HOMER2: variants seen among roughly 807,000 people sequenced by gnomAD.
HOMER2 encodes homer scaffold protein 2, also known as homer protein homolog 2.
A neutral mutation model predicts 47.0 loss-of-function variants in HOMER2; 27 were observed. The ratio of observed to expected loss-of-function variants is 0.57; its 90% CI spans 0.42 to 0.79. The LOEUF (loss-of-function observed/expected upper bound fraction) is 0.79, where lower values mean the gene tolerates loss of function less well. Among genes scored for constraint, HOMER2 ranks in the 30% least tolerant of loss-of-function variants. The pLI is 0.00. For synonymous variants in HOMER2, 161 were observed against 163.8 expected, an observed-to-expected ratio of 0.98 and a Z score of 0.13; for missense variants, 443 against 435.0, an observed-to-expected ratio of 1.02 and a Z score of -0.16.
At chr15:82,929,261 ACT>A (rs1411304945) in intron 1 of HOMER2, among the ~76,000 whole-genome samples, 4 of 152,160 alleles carry the variant, frequency 2.6e-5, no homozygotes, top group African/African-American at 9.7e-5. Context: ...ATTCTGAGAA[ACT>A]CTGCTGAAAC....
chr15:82,843,820 A>G (rs2051204082), exon 2 of HOMER2: 1 of 152,224 alleles, frequency 6.6e-6, no homozygotes, highest in African/African-American at 2.4e-5. Flanking sequence ...AATTTGAGGC[A>G]ATACATATTA....
intron 1 of HOMER2, among the ~76,000 whole-genome samples, chr15:82,911,610 A>T (rs756296626): frequency 2.6e-5 from 4 of 152,196 alleles, no homozygotes; most frequent in Admixed American, 6.6e-5. Context: ...TTTCATTTAC[A>T]CTATCAGTTG....
chr15:82,975,630 G>T (rs975880473), intron 1 of HOMER2, among the ~76,000 whole-genome samples: 1 of 152,232 alleles, frequency 6.6e-6, no homozygotes, highest in Non-Finnish European at 1.5e-5. Flanking sequence ...AACATTGCAT[G>T]TTCTCACTTA....
intron 1 of HOMER2, among the ~76,000 whole-genome samples, chr15:82,900,823 T>C (rs1056274872): frequency 2.0e-5 from 3 of 152,178 alleles, no homozygotes; most frequent in African/African-American, 7.2e-5. Context: ...CCCCATTCTA[T>C]TAAAGTTATT....
intron 4 of HOMER2, among the ~76,000 whole-genome samples, chr15:82,860,956 TGAGAGAGA>T (rs56063630): frequency 2.4e-5 from 1 of 42,386 alleles, no homozygotes; most frequent in Non-Finnish European, 4.9e-5. Flanking sequence ...AGATAGAAGA[TGAGAGAGA>T]GAGAGAGAGA....
intron 1 of HOMER2, among the ~76,000 whole-genome samples, chr15:82,977,894 C>A (rs1229824523): frequency 1.3e-5 from 2 of 152,122 alleles, no homozygotes; most frequent in African/African-American, 4.8e-5. Context: ...CACCTATAAT[C>A]CCAGCACTTT....
intron 1 of HOMER2, among the ~76,000 whole-genome samples, chr15:82,948,307 C>T (rs1336782653): frequency 2.0e-5 from 3 of 149,254 alleles, no homozygotes; most frequent in African/African-American, 5.0e-5. Context: ...AGGAGAATGG[C>T]GTGAACCCGG....
intron 1 of HOMER2, among the ~76,000 whole-genome samples, chr15:82,919,917 A>G (rs773630830): frequency 6.6e-6 from 1 of 152,160 alleles, no homozygotes; most frequent in Non-Finnish European, 1.5e-5. Context: ...ATAATTTTTA[A>G]TTTTTGTGAT....
At chr15:82,876,310 A>C (rs2052348360) in intron 2 of HOMER2, among the ~76,000 whole-genome samples, 3 of 152,222 alleles carry the variant, frequency 2.0e-5, no homozygotes, top group Admixed American at 2.0e-4. Flanking sequence ...AGAAGATAAT[A>C]TCTAGCACAT....
At chr15:82,905,119 T>C (rs1288270243) in intron 1 of HOMER2, among the ~76,000 whole-genome samples, 1 of 152,112 alleles carries the variant, frequency 6.6e-6, no homozygotes, top group African/African-American at 2.4e-5. Context: ...AAAAACACTG[T>C]AACAGAACGA....
At chr15:82,954,460 G>GTT (rs34974567), upstream of HOMER2, among the ~76,000 whole-genome samples, 9,821 of 134,330 alleles carry the variant, frequency 0.073, 464 homozygotes, top group Middle Eastern at 0.11. Context: ...ACCACGCCCA[G>GTT]TTTTTTTTTT....
chr15:82,893,926 G>A (rs1325939926), intron 1 of HOMER2, among the ~76,000 whole-genome samples: 1 of 152,258 alleles, frequency 6.6e-6, no homozygotes, highest in South Asian at 2.1e-4. Flanking sequence ...CCATTATAGG[G>A]CATGAACCAC....
upstream of HOMER2, among the ~76,000 whole-genome samples, chr15:82,956,264 G>T (rs1049173751): frequency 6.6e-6 from 1 of 151,152 alleles, no homozygotes; most frequent in East Asian, 1.9e-4. Flanking sequence ...AAAAGAAGAG[G>T]CTTGAAGACA....
chr15:82,837,312 C>T (rs1297302592), exon 2 of HOMER2: 1 of 152,276 alleles, frequency 6.6e-6, no homozygotes, highest in African/African-American at 2.4e-5. Flanking sequence ...AACATAGCCA[C>T]AGGTTCCAGG....
intron 1 of HOMER2, among the ~76,000 whole-genome samples, chr15:82,938,510 G>A (rs568207389): frequency 5.9e-5 from 9 of 152,088 alleles, no homozygotes; most frequent in African/African-American, 1.4e-4. Flanking sequence ...TCTAGTTGCC[G>A]CCTGCCTCCA....
At position 82,966,399 on chromosome 15, in the gene HOMER2, G is replaced by T. The variant is rs749288828; in HGVS notation, n.83-7091C>A. On this transcript the variant is annotated intron_variant and non_coding_transcript_variant, in intron 1 of 1. Coordinates refer to the HOMER2 transcript ENST00000500334. Reference sequence around the variant, plus strand: ...GTATATTATAAAAACAGAATAAAAGGGGGGGAAAGAAAACAGTCAAACTTC... The same window carrying T: ...GTATATTATAAAAACAGAATAAAAGTGGGGGAAAGAAAACAGTCAAACTTC... Among the ~76,000 whole-genome samples, 10 of 152,104 alleles carry T rather than the reference G, an allele frequency of 6.6e-5. No individual in the cohort carries two copies. In the East Asian group the frequency reaches 1.3e-3, roughly 21 times the overall value.
chr15:82,845,261 C>CACACAT (rs1159583287), downstream of HOMER2: 3 of 145,232 alleles, frequency 2.1e-5, no homozygotes, highest in Non-Finnish European at 4.7e-5. Context: ...CACACACACA[C>CACACAT]GCGTGCGCAC....
intron 2 of HOMER2, among the ~76,000 whole-genome samples, chr15:82,880,716 G>A (rs186125500): frequency 4.6e-5 from 7 of 152,292 alleles, no homozygotes; most frequent in East Asian, 3.9e-4. Context: ...GGGTTCTGGC[G>A]TCAGAGGAGA....
chr15:82,850,332 G>C (rs1401547193), intron 8 of HOMER2, among the ~76,000 whole-genome samples: 2 of 152,252 alleles, frequency 1.3e-5, no homozygotes, highest in Non-Finnish European at 2.9e-5. Context: ...CCCACAGAGA[G>C]GCGTGGCCTC....
Sources: gnomAD v4.1 joint callset for allele counts (sites outside exome capture counted in the v4.1 genomes callset) on GRCh38, gnomAD v4.1.1 for gene constraint, MANE v1.5 for transcripts, NCBI Gene and HGNC (gene_info 2026-07-23, HGNC 2026-07-21) for gene names.